Variants in UBE2E2 observed in about 807,000 individuals in gnomAD.
UBE2E2 encodes the protein ubiquitin-conjugating enzyme E2 E2.
UBE2E2 carries 6 observed loss-of-function variants against 24.7 expected under a neutral mutation model. The observed-to-expected ratio is 0.24, with a 90% confidence interval of 0.13 to 0.48. The LOEUF is 0.48. Among genes scored for constraint, UBE2E2 ranks in the 20% least tolerant of loss-of-function variants. The pLI, the probability that UBE2E2 is intolerant of heterozygous loss-of-function variation, is 0.99. For missense variants in UBE2E2, 169 were observed against 245.0 expected (o/e 0.69, Z 2.07); for synonymous variants, 104 against 83.6 (o/e 1.24, Z -1.33).
rs577449944 is a variant in UBE2E2, at chr3:23,505,398, G to A, written c.360+5658G>A. On this transcript the variant is annotated intron_variant, in intron 4 of 5. Transcript: ENST00000396703. Reference sequence around the variant, plus strand: ...ATAAGTGTAAATAGATTTGAAATTAGGTAGGTGAGAGAGTCACTCATGTTT... The same window carrying A: ...ATAAGTGTAAATAGATTTGAAATTAAGTAGGTGAGAGAGTCACTCATGTTT... Among the ~76,000 whole-genome samples the A allele has an allele frequency of 5.9e-5, 9 of 152,218 alleles. No individual in the cohort carries two copies. The East Asian group carries it at 1.7e-3, about 29-fold the overall frequency.
At chr3:23,289,059 C>T (rs1443362482) in intron 3 of UBE2E2, among the ~76,000 whole-genome samples, 2 of 152,158 alleles carry the variant, frequency 1.3e-5, no homozygotes, top group South Asian at 4.1e-4. Context: ...CATGAAGATG[C>T]TTTTTTGTGT....
At chr3:23,587,868 C>T (rs979232441) in intron 5 of UBE2E2, among the ~76,000 whole-genome samples, 3 of 152,130 alleles carry the variant, frequency 2.0e-5, no homozygotes, top group Admixed American at 2.0e-4. Flanking sequence ...GAGAGGCAAA[C>T]GTTTCGAACA....
At chr3:23,553,701 G>T (rs1269658165) in intron 5 of UBE2E2, among the ~76,000 whole-genome samples, 1 of 152,070 alleles carries the variant, frequency 6.6e-6, no homozygotes, top group Non-Finnish European at 1.5e-5. Flanking sequence ...TAAAGTTACA[G>T]GATATAAAAT....
At position 23,590,553 on chromosome 3, in the gene UBE2E2, C is replaced by T. The variant is rs1290316309; in HGVS notation, c.*722C>T. 6.6e-6 allele frequency: 1 copy of T among 152,654 alleles called. No homozygotes were observed. The highest frequency in any genetic ancestry group is 2.1e-4 in the South Asian group (1 of 4,822). 9.5% of individuals were successfully genotyped at this position (152,654 alleles called of 1,614,324 possible). On this transcript the variant is annotated 3_prime_UTR_variant, in exon 6 of 6. Coordinates refer to ENST00000396703, the MANE Select transcript of UBE2E2 (RefSeq NM_152653.4). Reference sequence around the variant, plus strand: ...TGTACACTTGTATTATTAAAGCACTCAATAAATCACTGTGGCTGATAACTG... The same window carrying T: ...TGTACACTTGTATTATTAAAGCACTTAATAAATCACTGTGGCTGATAACTG...
intron 3 of UBE2E2, among the ~76,000 whole-genome samples, chr3:23,437,700 T>A (rs1485845750): frequency 6.6e-6 from 1 of 152,186 alleles, no homozygotes; most frequent in Non-Finnish European, 1.5e-5. Context: ...GTCTGGCATG[T>A]TTCCGTCAGA....
chr3:23,320,309 T>C (rs997904653), intron 3 of UBE2E2, among the ~76,000 whole-genome samples: 2 of 152,250 alleles, frequency 1.3e-5, no homozygotes, highest in African/African-American at 4.8e-5. Context: ...TGTTCTTCTT[T>C]CCTCTTATAT....
chr3:23,475,835 T>C (rs1699122224), intron 3 of UBE2E2, among the ~76,000 whole-genome samples: 1 of 152,052 alleles, frequency 6.6e-6, no homozygotes, highest in Admixed American at 6.5e-5. Flanking sequence ...AGGTACATCA[T>C]GCCTGTGCAG....
chr3:23,332,674 GGT>G (rs3086989), intron 3 of UBE2E2, among the ~76,000 whole-genome samples: 21,605 of 107,500 alleles, frequency 0.2, 1,653 homozygotes, highest in East Asian at 0.29. Flanking sequence ...CAGCCAGTGG[GGT>G]GTGTGTGTGT....
At chr3:23,367,686 A>G (rs1696296941) in intron 3 of UBE2E2, among the ~76,000 whole-genome samples, 1 of 152,164 alleles carries the variant, frequency 6.6e-6, no homozygotes, top group Non-Finnish European at 1.5e-5. Context: ...AATTGAACCC[A>G]AAGACAGGGT....
At chr3:23,524,247 T>C (rs1694937467) in intron 4 of UBE2E2, among the ~76,000 whole-genome samples, 1 of 152,192 alleles carries the variant, frequency 6.6e-6, no homozygotes, top group African/African-American at 2.4e-5. Flanking sequence ...ATTTATGCCT[T>C]TCATGATCTC....
chr3:23,278,769 A>G (rs1698423341), intron 3 of UBE2E2, among the ~76,000 whole-genome samples: 1 of 152,164 alleles, frequency 6.6e-6, no homozygotes, highest in African/African-American at 2.4e-5. Context: ...ACCAATTTAG[A>G]ATAATAAAAA....
chr3:23,444,358 G>C (rs1160604180), intron 3 of UBE2E2, among the ~76,000 whole-genome samples: 1 of 152,032 alleles, frequency 6.6e-6, no homozygotes, highest in Non-Finnish European at 1.5e-5. Flanking sequence ...TTCTACTGAT[G>C]TACTGGCTTG....
At chr3:23,418,349 G>GC (rs1697700199) in intron 3 of UBE2E2, among the ~76,000 whole-genome samples, 2 of 152,130 alleles carry the variant, frequency 1.3e-5, no homozygotes, top group African/African-American at 4.8e-5. Context: ...GTAACGCAAT[G>GC]CCCCACCCTC....
chr3:23,457,625 A>G (rs905111352), intron 3 of UBE2E2, among the ~76,000 whole-genome samples: 5 of 152,040 alleles, frequency 3.3e-5, no homozygotes, highest in Admixed American at 1.3e-4. Context: ...CCCAGGCTCA[A>G]GCTCCTCAGC....
rs539722497 is a variant in UBE2E2 at position 23,229,605 on chromosome 3, A to C, written c.227+12293A>C. Among the ~76,000 whole-genome samples, 7 of 152,326 alleles carry C rather than the reference A, an allele frequency of 4.6e-5. 1 individual carries two copies. The South Asian group carries it at 1.4e-3, about 32-fold the overall frequency. ...AGGTCACATAGCAAGTAAATGGCAG[A>C]ACTAGGATTTCAACCTTGTTTCTGA... On this transcript the variant is annotated intron_variant, in intron 3 of 5. Transcript: ENST00000396703.
chr3:23,448,894 T>C (rs1698492112), intron 3 of UBE2E2, among the ~76,000 whole-genome samples: 1 of 152,174 alleles, frequency 6.6e-6, no homozygotes, highest in South Asian at 2.1e-4. Context: ...ATGTCACAAA[T>C]TTTAGTGCAC....
chr3:23,213,354 C>A (rs540986334), intron 2 of UBE2E2, among the ~76,000 whole-genome samples: 1 of 151,888 alleles, frequency 6.6e-6, no homozygotes, highest in Non-Finnish European at 1.5e-5. Context: ...AATTTTGGTA[C>A]CATATTCTTC....
intron 3 of UBE2E2, among the ~76,000 whole-genome samples, chr3:23,414,040 C>T (rs1421907419): frequency 6.6e-6 from 1 of 152,196 alleles, no homozygotes; most frequent in Admixed American, 6.5e-5. Context: ...CTTAATACAT[C>T]TGCCTCATCC....
intron 4 of UBE2E2, among the ~76,000 whole-genome samples, chr3:23,508,161 ATGT>A (rs367575365): frequency 6.2e-4 from 95 of 152,274 alleles, no homozygotes; most frequent in Middle Eastern, 3.4e-3. Flanking sequence ...CTATCCTTAA[ATGT>A]TGTGTGAAAT....
Sources: allele counts gnomAD v4.1 joint callset (sites outside exome capture counted in the v4.1 genomes callset), GRCh38; gene constraint gnomAD v4.1.1; transcripts MANE v1.5; gene names NCBI Gene and HGNC (gene_info 2026-07-23, HGNC 2026-07-21).